MAP10: variants seen among roughly 807,000 people sequenced by gnomAD.
The protein encoded by MAP10 is microtubule-associated protein 10.
MAP10 carries 10 observed loss-of-function variants against 6.3 expected under a neutral mutation model. The ratio of observed to expected loss-of-function variants is 1.58; its 90% CI spans 0.98 to 2.69. The LOEUF is 2.69. Ranked by LOEUF, MAP10 falls within the 30% of genes most tolerant of loss-of-function variation. MAP10 has a pLI of 0.00. For missense variants in MAP10, 1,189 were observed against 1,086.5 expected, an observed-to-expected ratio of 1.09 and a Z score of -1.33; for synonymous variants, 459 against 429.3, an observed-to-expected ratio of 1.07 and a Z score of -0.86.
chr1:232,806,505 A>G lies in MAP10; in HGVS notation c.1056A>G (p.Leu352=), dbSNP rs12048236. The G allele has an allele frequency of 0.058, 94,368 of 1,613,848 alleles. 4,350 individuals are homozygous for G. Among genetic ancestry groups the G allele is most frequent in the African/African-American group, 0.23 (17,270 of 74,992 alleles). The change falls in exon 1 of 1, where the codon CTA becomes CTG. Residue 352 remains leucine (L), a synonymous_variant. Transcript: ENST00000418460. ...RVNPPAHRSC[L]KHPSSAAHEH... is the part of the protein sequence containing the mutation. ...ATCCCCCAGCACACAGGAGTTGTCT[A>G]AAGCATCCAAGTTCTGCAGCACACG... is the stretch of plus-strand genomic sequence containing the variant.
chr1:232,806,745 G>C lies in MAP10; in HGVS notation c.1296G>C (p.Lys432Asn), dbSNP rs1160831177. The C allele has an allele frequency of 6.2e-6, 10 of 1,612,322 alleles. No homozygotes were observed. Among genetic ancestry groups the C allele is most frequent in the Non-Finnish European group, 8.5e-6 (10 of 1,179,862 alleles). The stretch of plus-strand genomic sequence containing the variant: ...CCTGGTTATATAGGACTGAGGATAA[G>C]AAGTCACCCGAATCTTCTGCCAAAT... ...HLAWLYRTED[K>N]KSPESSAKST... The change falls in exon 1 of 1, where the codon AAG becomes AAC. Residue 432 changes from lysine to asparagine, a missense_variant. Physicochemically the swap from Lys to Asn is moderately conservative, Grantham distance 94 (BLOSUM62 0). Coordinates refer to ENST00000418460, the MANE Select transcript of MAP10 (RefSeq NM_019090.3).
Position 232,807,576 on chromosome 1 carries a change from T to C in MAP10, c.2127T>C (p.Tyr709=). ...CAGATGATTTGTCTAGCCCTTGCTA[T>C]TCTGAAGATTTCTGTACCAGTGAGG... ...KYSDDLSSPC[Y]SEDFCTSEDT... is the part of the protein sequence containing the mutation. The change falls in exon 1 of 1, where the codon TAT becomes TAC. Residue 709 remains tyrosine, a synonymous_variant. Transcript: ENST00000418460. The C allele has an allele frequency of 3.7e-6, 6 of 1,611,064 alleles. No individual in the cohort carries two copies. In the South Asian group the frequency reaches 6.6e-5, roughly 18 times the overall value.
rs745700771 is a variant in MAP10 at position 232,805,960 on chromosome 1, C to G, written c.511C>G (p.Arg171Gly). The G allele has an allele frequency of 8.7e-6, 14 of 1,613,086 alleles. No individual in the cohort carries two copies. Among genetic ancestry groups the G allele is most frequent in the Non-Finnish European group, 1.2e-5 (14 of 1,179,742 alleles). ...RFPLHNRVGE[R>G]TGDIALAYRL... ...CCCCCTGCATAATCGAGTGGGCGAG[C>G]GGACTGGGGACATTGCACTGGCCTA... The change falls in exon 1 of 1, where the codon CGG becomes GGG. Residue 171 changes from arginine to glycine, a missense_variant. Transcript: ENST00000418460.
rs1271975357 is a variant in MAP10 at position 232,807,279 on chromosome 1, CAAT to C, written c.1834_1836del (p.Asn612del). 21 of 1,613,236 alleles carry C rather than the reference CAAT, an allele frequency of 1.3e-5. No individual in the cohort carries two copies. Among genetic ancestry groups the C allele is most frequent in the Non-Finnish European group, 1.7e-5 (20 of 1,179,692 alleles). ...CAGTTGATTGTAGTAAAAATAGAAT[CAAT>C]AATGTTTCATTGGAAGAAGTTGTGA... On this transcript the variant is annotated inframe_deletion, in exon 1 of 1. Coordinates refer to ENST00000418460, the MANE Select transcript of MAP10 (RefSeq NM_019090.3).
chr1:232,807,634 A>C lies in MAP10; in HGVS notation c.2185A>C (p.Ser729Arg). ...TSRSFKAHDS[S>R]SRTENPKHSQ... ...CAGAAGTTTCAAAGCTCATGATAGC[A>C]GTTCAAGGACAGAAAATCCAAAACA... Residue 729 changes from serine (S) to arginine (R), a missense_variant, in exon 1 of 1, where the codon AGT becomes CGT. Coordinates refer to ENST00000418460, the MANE Select transcript of MAP10 (RefSeq NM_019090.3). 1 of 1,610,482 alleles carries C rather than the reference A, an allele frequency of 6.2e-7. No individual in the cohort carries two copies. Among genetic ancestry groups the C allele is most frequent in the Non-Finnish European group, 8.5e-7 (1 of 1,178,118 alleles).
rs186922916 is a variant in MAP10, at chr1:232,807,037, C to A, written c.1588C>A (p.Gln530Lys). The A allele has an allele frequency of 4.8e-5, 77 of 1,613,026 alleles. No homozygotes were observed. In the East Asian group the frequency reaches 1.5e-3, roughly 32 times the overall value. Residue 530 changes from glutamine (Q) to lysine (K), a missense_variant, in exon 1 of 1, where the codon CAA (glutamine) becomes AAA (lysine). By Grantham distance (53) the Gln-to-Lys change is moderately conservative. Transcript: ENST00000418460. ...AGAACTATATAGAAAAAGACAATCA[C>A]AAATGTTGGGTACAAAATTCAGAAT... ...KRELYRKRQS[Q>K]MLGTKFRIPS...
Position 232,806,507 on chromosome 1 carries a change from A to G in MAP10, c.1058A>G (p.Lys353Arg), listed in dbSNP as rs765096716. The G allele has an allele frequency of 6.2e-7, 1 of 1,613,956 alleles. No individual in the cohort carries two copies. Among genetic ancestry groups the G allele is most frequent in the Non-Finnish European group, 8.5e-7 (1 of 1,179,888 alleles). ...CCCCCAGCACACAGGAGTTGTCTAA[A>G]GCATCCAAGTTCTGCAGCACACGAA... ...VNPPAHRSCL[K>R]HPSSAAHEHP... Residue 353 changes from lysine to arginine, a missense_variant, in exon 1 of 1, where the codon AAG becomes AGG. Transcript: ENST00000418460.
In MAP10 at chr1:232,806,250, C is replaced by T. The variant is rs759940347; in HGVS notation, c.801C>T (p.Thr267=). Residue 267 remains threonine, a synonymous_variant, in exon 1 of 1, where the codon ACC becomes ACT. Transcript: ENST00000418460. The stretch of plus-strand genomic sequence containing the variant: ...TGGGTTCTGTGGAGAATGGCAAAAC[C>T]AATTCTGTTGTTACATGTTCAGGTG... ...DNVGSVENGK[T]NSVVTCSGAG... The T allele has an allele frequency of 2.6e-5, 42 of 1,613,802 alleles. No homozygotes were observed. Among genetic ancestry groups the T allele is most frequent in the Non-Finnish European group, 3.3e-5 (39 of 1,179,898 alleles).
rs146032880 is a variant in MAP10, at chr1:232,808,161, A to G, written c.2712A>G (p.Thr904=). ...TAATAAATAAACTTCCAGGATACAC[A>G]ATGTAAAAATACATGCTTTTAAAAA... is the stretch of plus-strand genomic sequence containing the variant. ...ELVINKLPGY[T]M is the part of the protein sequence containing the mutation. The change falls in exon 1 of 1, where the codon ACA becomes ACG. Residue 904 remains threonine (T), a synonymous_variant. Coordinates refer to ENST00000418460, the MANE Select transcript of MAP10 (RefSeq NM_019090.3). 1.0e-4 allele frequency: 156 copies of G among 1,548,036 alleles called. No individual in the cohort carries two copies. In the East Asian group the frequency reaches 2.8e-3, roughly 28 times the overall value.
rs773548333 is a variant in MAP10, at chr1:232,806,123, C to A, written c.674C>A (p.Pro225Gln). 1.8e-4 allele frequency: 296 copies of A among 1,613,916 alleles called. No homozygotes were observed. The highest frequency in any genetic ancestry group is 2.5e-4 in the Non-Finnish European group (293 of 1,179,908). ...CAGCTGCAGCAGCCAGCCTCACAGC[C>A]AAGCCCAAAAGAGGCTGATAAGCCG... Reference protein sequence around the residue: ...RQQLQQPASQPSPKEADKPLG... With the variant: ...RQQLQQPASQQSPKEADKPLG... Residue 225 changes from proline (P) to glutamine (Q), a missense_variant, in exon 1 of 1, where the codon CCA (proline) becomes CAA (glutamine). Pro to Gln is a moderately conservative substitution (Grantham distance 76). Coordinates refer to ENST00000418460, the MANE Select transcript of MAP10 (RefSeq NM_019090.3).
Position 232,805,888 on chromosome 1 carries a change from G to T in MAP10, c.439G>T (p.Val147Leu), listed in dbSNP as rs1182942603. The T allele has an allele frequency of 1.2e-6, 2 of 1,602,154 alleles. No homozygotes were observed. Among genetic ancestry groups the T allele is most frequent in the Non-Finnish European group, 1.7e-6 (2 of 1,174,892 alleles). ...ISLATAAHRV[V>L]GPAASGCSHR... Reference sequence around the variant, plus strand: ...GCTGGCCACCGCAGCGCACAGGGTCGTGGGGCCGGCCGCCTCCGGATGCTC... The same window carrying T: ...GCTGGCCACCGCAGCGCACAGGGTCTTGGGGCCGGCCGCCTCCGGATGCTC... Residue 147 changes from valine (V) to leucine (L), a missense_variant, in exon 1 of 1, where the codon GTG becomes TTG. Coordinates refer to ENST00000418460, the MANE Select transcript of MAP10 (RefSeq NM_019090.3).
In MAP10 at chr1:232,806,612, G is replaced by A. The variant is rs1666108073; in HGVS notation, c.1163G>A (p.Arg388Gln). 2 of 1,613,674 alleles carry A rather than the reference G, an allele frequency of 1.2e-6. No individual in the cohort carries two copies. The highest frequency in any genetic ancestry group is 2.2e-5 in the East Asian group (1 of 44,890). The change falls in exon 1 of 1, where the codon CGA (arginine) becomes CAA (glutamine). Residue 388 changes from arginine (R) to glutamine (Q), a missense_variant. Arg to Gln is a conservative substitution (Grantham distance 43, BLOSUM62 1). Coordinates refer to ENST00000418460, the MANE Select transcript of MAP10 (RefSeq NM_019090.3). The part of the protein sequence containing the change: ...TNQTCQTEQN[R>Q]INTIRQLPLL... ...CAAACATGTCAAACTGAACAAAATC[G>A]AATTAATACAATAAGGCAGTTGCCT... is the stretch of plus-strand genomic sequence containing the variant.
At position 232,808,470 on chromosome 1, in the gene MAP10, C is replaced by A; in HGVS notation, c.*303C>A. On this transcript the variant is annotated 3_prime_UTR_variant, in exon 1 of 1. Transcript: ENST00000418460. The stretch of plus-strand genomic sequence containing the variant: ...ATTCTAAAGCTGACTTCATGCACAC[C>A]ACTGAAAAAGAAGGCTAGTTAGTAA... The A allele has an allele frequency of 4.9e-6, 1 of 202,818 alleles. No homozygotes were observed. The highest frequency in any genetic ancestry group is 1.1e-5 in the Non-Finnish European group (1 of 92,986). 12.6% of individuals were successfully genotyped at this position (202,818 alleles called of 1,614,324 possible).
rs760298607 is a variant in MAP10, at chr1:232,807,044, T to C, written c.1595T>C (p.Leu532Ser). 6.2e-7 allele frequency: 1 copy of C among 1,613,072 alleles called. No homozygotes were observed. The highest frequency in any genetic ancestry group is 8.5e-7 in the Non-Finnish European group (1 of 1,179,596). ...TATAGAAAAAGACAATCACAAATGT[T>C]GGGTACAAAATTCAGAATTCCGTCA... Reference protein sequence around the residue: ...ELYRKRQSQMLGTKFRIPSSK... With the variant: ...ELYRKRQSQMSGTKFRIPSSK... The change falls in exon 1 of 1, where the codon TTG becomes TCG. Residue 532 changes from leucine (L) to serine (S), a missense_variant. By Grantham distance (145) the Leu-to-Ser change is moderately radical. Coordinates refer to ENST00000418460, the MANE Select transcript of MAP10 (RefSeq NM_019090.3).
Position 232,805,858 on chromosome 1 carries a change from A to G in MAP10, c.409A>G (p.Ile137Val). 6.3e-7 allele frequency: 1 copy of G among 1,590,934 alleles called. No individual in the cohort carries two copies. The highest frequency in any genetic ancestry group is 8.6e-7 in the Non-Finnish European group (1 of 1,167,974). The change falls in exon 1 of 1, where the codon ATT (isoleucine) becomes GTT (valine). Residue 137 changes from isoleucine (I) to valine (V), a missense_variant. Transcript: ENST00000418460. ...CCCACAGCTCCTGGGGGCCTGCGAC[A>G]TTTCGCTGGCCACCGCAGCGCACAG... ...PTPQLLGACD[I>V]SLATAAHRVV...
Position 232,805,642 on chromosome 1 carries a change from C to G in MAP10, c.193C>G (p.Pro65Ala). 1.9e-6 allele frequency: 3 copies of G among 1,584,764 alleles called. No homozygotes were observed. The highest frequency in any genetic ancestry group is 2.6e-6 in the Non-Finnish European group (3 of 1,168,808). ...PAVAFRLLDF[P>A]TLLVYPPDGP... ...CGTGGCCTTCCGCCTGCTGGACTTC[C>G]CCACGCTGTTGGTTTACCCTCCTGA... Residue 65 changes from proline to alanine, a missense_variant, in exon 1 of 1, where the codon CCC (proline) becomes GCC (alanine). By Grantham distance (27) the Pro-to-Ala change is conservative. Coordinates refer to ENST00000418460, the MANE Select transcript of MAP10 (RefSeq NM_019090.3).
In MAP10 at chr1:232,806,867, A is replaced by C. The variant is rs772074265; in HGVS notation, c.1418A>C (p.Tyr473Ser). The change falls in exon 1 of 1, where the codon TAT becomes TCT. Residue 473 changes from tyrosine to serine, a missense_variant. Physicochemically the swap from Tyr to Ser is moderately radical, Grantham distance 144. Coordinates refer to ENST00000418460, the MANE Select transcript of MAP10 (RefSeq NM_019090.3). ...TATAAAAAGAACCAAATTGAAAACT[A>C]TAAGGAAGATAAATATTCTGAAAAG... ...LQYKKNQIEN[Y>S]KEDKYSEKSS... 2.5e-6 allele frequency: 4 copies of C among 1,611,312 alleles called. No homozygotes were observed. The South Asian group carries it at 4.4e-5, about 18-fold the overall frequency.
rs1666163486 is a variant in MAP10, at chr1:232,809,443, G to T, written c.*1276G>T. Among the ~76,000 whole-genome samples the T allele has an allele frequency of 1.3e-5, 2 of 151,996 alleles. No homozygotes were observed. The highest frequency in any genetic ancestry group is 6.6e-5 in the Admixed American group (1 of 15,264). ...ATTTTGGGGAGCAATATGAATAAAAGAGTGATGGGAATGAGCCTGATATAT... is the reference window on the plus strand; with the variant it reads ...ATTTTGGGGAGCAATATGAATAAAATAGTGATGGGAATGAGCCTGATATAT... On this transcript the variant is annotated 3_prime_UTR_variant, in exon 1 of 1. Coordinates refer to ENST00000418460, the MANE Select transcript of MAP10 (RefSeq NM_019090.3).
At position 232,808,029 on chromosome 1, in the gene MAP10, C is replaced by T. The variant is rs147903928; in HGVS notation, c.2580C>T (p.Ser860=). ...QVSSYLPSNV[S]ELNVLDSSTS... is the part of the protein sequence containing the mutation. ...GTTCTTACCTGCCTTCAAATGTGTC[C>T]GAACTTAATGTCCTGGATAGCAGTA... is the stretch of plus-strand genomic sequence containing the variant. The change falls in exon 1 of 1, where the codon TCC becomes TCT. Residue 860 remains serine, a synonymous_variant. Transcript: ENST00000418460. 1,098 of 1,613,254 alleles carry T rather than the reference C, an allele frequency of 6.8e-4. 1 individual carries two copies. Among genetic ancestry groups the T allele is most frequent in the Non-Finnish European group, 8.5e-4 (1,008 of 1,179,404 alleles).
Sources: gnomAD v4.1 joint callset for allele counts (sites outside exome capture counted in the v4.1 genomes callset) on GRCh38, gnomAD v4.1.1 for gene constraint, MANE v1.5 for transcripts, NCBI Gene and HGNC (gene_info 2026-07-23, HGNC 2026-07-21) for gene names.